The following UNC5C variants were observed in gnomAD, a reference collection of about 807,000 sequenced individuals.
UNC5C encodes unc-5 netrin receptor C.
UNC5C carries 47 observed loss-of-function variants against 99.8 expected under a neutral mutation model. The observed-to-expected ratio is 0.47, with a 90% CI of 0.37 to 0.60. The LOEUF is 0.60. UNC5C is among the 20% of genes least tolerant of loss of function. The pLI is 0.00. For synonymous variants in UNC5C, 487 were observed against 452.2 expected, an observed-to-expected ratio of 1.08 and a Z score of -0.98; for missense variants, 1,062 against 1,165.9, an observed-to-expected ratio of 0.91 and a Z score of 1.30.
chr4:95,475,761 C>A (rs1028035919), intron 1 of UNC5C, among the ~76,000 whole-genome samples: 1 of 152,060 alleles, frequency 6.6e-6, no homozygotes, highest in African/African-American at 2.4e-5. Context: ...GTCAGCTTTT[C>A]CTATCTTTTA....
chr4:95,408,533 T>C (rs61354277), intron 1 of UNC5C, among the ~76,000 whole-genome samples: 29,484 of 152,098 alleles, frequency 0.19, 4,242 homozygotes, highest in African/African-American at 0.39. Context: ...AATCTTCCTC[T>C]CTCAATAGTA....
chr4:95,171,809 G>A (rs60718157), intron 14 of UNC5C, among the ~76,000 whole-genome samples: 6,526 of 151,804 alleles, frequency 0.043, 480 homozygotes, highest in African/African-American at 0.15. Context: ...CTGAGGAGTC[G>A]CCACACTGAC....
chr4:95,445,020 A>C (rs1747056062), intron 1 of UNC5C, among the ~76,000 whole-genome samples: 1 of 152,282 alleles, frequency 6.6e-6, no homozygotes, highest in East Asian at 1.9e-4. Context: ...CAGAGTCTTG[A>C]GTGCGTCATT....
At chr4:95,538,162 T>C (rs552355341) in intron 1 of UNC5C, among the ~76,000 whole-genome samples, 1 of 152,298 alleles carries the variant, frequency 6.6e-6, no homozygotes, top group East Asian at 1.9e-4. Context: ...TTTTACTTAA[T>C]GTATGTAGTT....
At chr4:95,314,154 A>G (rs1337918542) in intron 2 of UNC5C, among the ~76,000 whole-genome samples, 1 of 152,210 alleles carries the variant, frequency 6.6e-6, no homozygotes, top group African/African-American at 2.4e-5. Context: ...CCACTAATTG[A>G]AAACTATATT....
At position 95,509,852 on chromosome 4, in the gene UNC5C, T is replaced by C. The variant is rs1312460997; in HGVS notation, c.124+38882A>G. Among the ~76,000 whole-genome samples, 44 of 151,916 alleles carry C rather than the reference T, an allele frequency of 2.9e-4. 2 individuals are homozygous for C. Among genetic ancestry groups the C allele is most frequent in the Admixed American group, 2.9e-3 (44 of 15,210 alleles). ...AGTATTAATCAGCCACACTAGTATA[T>C]AAATTGTCAGTAGTTTCCTAAGTAG... On this transcript the variant is annotated intron_variant, in intron 1 of 15. Coordinates refer to ENST00000453304, the MANE Select transcript of UNC5C (RefSeq NM_003728.4).
At chr4:95,300,493 G>A (rs1741827614) in intron 3 of UNC5C, among the ~76,000 whole-genome samples, 1 of 152,092 alleles carries the variant, frequency 6.6e-6, no homozygotes, top group Admixed American at 6.6e-5. Context: ...GTACTAGAAT[G>A]GTTCCAAAAT....
chr4:95,508,590 CTCTT>C (rs1721986902), intron 1 of UNC5C, among the ~76,000 whole-genome samples: 1 of 151,838 alleles, frequency 6.6e-6, no homozygotes, highest in African/African-American at 2.4e-5. Flanking sequence ...CATTATGTCC[CTCTT>C]TCTTTGATGT....
chr4:95,472,338 G>A (rs1222794715), intron 1 of UNC5C, among the ~76,000 whole-genome samples: 1 of 152,064 alleles, frequency 6.6e-6, no homozygotes, highest in Non-Finnish European at 1.5e-5. Context: ...ATATGAGATA[G>A]ATTCAAAGGT....
At chr4:95,532,818 AG>A (rs1307446316) in intron 1 of UNC5C, among the ~76,000 whole-genome samples, 1 of 151,882 alleles carries the variant, frequency 6.6e-6, no homozygotes, top group African/African-American at 2.4e-5. Flanking sequence ...TTGTAATGAC[AG>A]GGAATAGAGT....
intron 1 of UNC5C, among the ~76,000 whole-genome samples, chr4:95,419,639 G>A (rs925392503): frequency 2.0e-5 from 3 of 152,090 alleles, no homozygotes; most frequent in African/African-American, 7.2e-5. Flanking sequence ...GAGTGCTACT[G>A]TACATAAACC....
intron 3 of UNC5C, among the ~76,000 whole-genome samples, chr4:95,294,682 G>A (rs1462986292): frequency 6.6e-6 from 1 of 152,172 alleles, no homozygotes; most frequent in Non-Finnish European, 1.5e-5. Context: ...TGACAGTCTA[G>A]CCCTGGGACA....
chr4:95,414,204 C>A (rs1422095590), intron 1 of UNC5C, among the ~76,000 whole-genome samples: 1 of 151,564 alleles, frequency 6.6e-6, no homozygotes, highest in African/African-American at 2.4e-5. Context: ...TTTCCTTCCC[C>A]TTTTCCCCAC....
chr4:95,284,486 C>G (rs138717345), intron 3 of UNC5C, among the ~76,000 whole-genome samples: 1 of 152,000 alleles, frequency 6.6e-6, no homozygotes, highest in African/African-American at 2.4e-5. Flanking sequence ...AAGGAGTTGA[C>G]GCATCTTTGA....
rs371624786 is a variant in UNC5C at position 95,503,411 on chromosome 4, T to C, written c.124+45323A>G. Among the ~76,000 whole-genome samples, 3 of 152,302 alleles carry C rather than the reference T, an allele frequency of 2.0e-5. No individual in the cohort carries two copies. In the East Asian group the frequency reaches 5.8e-4, roughly 29 times the overall value. On this transcript the variant is annotated intron_variant, in intron 1 of 15. Transcript: ENST00000453304. ...CAACACAAAATGAACTAAGACAATA[T>C]GTCACCCATTTTCTTCAAGTTTGTA...
chr4:95,242,879 T>C (rs1739378244), intron 6 of UNC5C, among the ~76,000 whole-genome samples: 1 of 152,288 alleles, frequency 6.6e-6, no homozygotes, highest in African/African-American at 2.4e-5. Context: ...AAGTAGGCCA[T>C]GATGGTTTCC....
chr4:95,533,194 G>A (rs1356602479), intron 1 of UNC5C, among the ~76,000 whole-genome samples: 9 of 151,938 alleles, frequency 5.9e-5, no homozygotes, highest in Admixed American at 1.3e-4. Context: ...TCAGCAGTTC[G>A]AGACCAGCCT....
chr4:95,331,029 C>A (rs569142594), intron 2 of UNC5C, among the ~76,000 whole-genome samples: 191 of 152,166 alleles, frequency 1.3e-3, no homozygotes, highest in African/African-American at 4.4e-3. Context: ...CACATGTACA[C>A]ATTATTTAGC....
At chr4:95,272,060 T>C (rs114265938) in intron 4 of UNC5C, among the ~76,000 whole-genome samples, 2,526 of 150,662 alleles carry the variant, frequency 0.017, 62 homozygotes, top group African/African-American at 0.054. Flanking sequence ...GTCTCTTCAA[T>C]AGACTTTCCT....
Sources: allele counts gnomAD v4.1 joint callset (sites outside exome capture counted in the v4.1 genomes callset), GRCh38; gene constraint gnomAD v4.1.1; transcripts MANE v1.5; gene names NCBI Gene and HGNC (gene_info 2026-07-23, HGNC 2026-07-21).